PCGF3: variants seen among roughly 807,000 people sequenced by gnomAD.
PCGF3 encodes the protein polycomb group ring finger 3.
Under a neutral mutation model 33.1 loss-of-function variants are expected in PCGF3, and 7 were observed. The ratio of observed to expected loss-of-function variants is 0.21; its 90% CI spans 0.12 to 0.40. The LOEUF is 0.40. Among genes scored for constraint, PCGF3 ranks in the 10% least tolerant of loss-of-function variants. PCGF3 has a pLI of 1.00. For synonymous variants in PCGF3, 153 were observed against 121.3 expected, an observed-to-expected ratio of 1.26 and a Z score of -1.72; for missense variants, 211 against 313.3, an observed-to-expected ratio of 0.67 and a Z score of 2.46.
At chr4:737,488 A>G in exon 6 of PCGF3, 1 of 1,610,824 alleles carries the variant, frequency 6.2e-7, no homozygotes, top group East Asian at 2.2e-5. Flanking sequence ...CATGCAAGAT[A>G]TTGTTTACAA....
At chr4:765,572 G>A (rs1223006113) in intron 10 of PCGF3, among the ~76,000 whole-genome samples, 6 of 152,264 alleles carry the variant, frequency 3.9e-5, no homozygotes, top group African/African-American at 1.4e-4. Flanking sequence ...GTGGGAAAGT[G>A]CTGAGGCCAT....
chr4:747,696 G>T (rs1352345586), intron 8 of PCGF3, among the ~76,000 whole-genome samples: 1 of 151,800 alleles, frequency 6.6e-6, no homozygotes, highest in Non-Finnish European at 1.5e-5. Context: ...TCGCCGTGGA[G>T]GCGTGAGCAG....
intron 1 of PCGF3, among the ~76,000 whole-genome samples, chr4:729,274 G>A (rs1313849796): frequency 1.3e-5 from 2 of 151,936 alleles, no homozygotes; most frequent in Non-Finnish European, 2.9e-5. Context: ...AATTAGCCAG[G>A]TGTGGTGGTG....
chr4:761,035 T>C (rs536116215), intron 8 of PCGF3, among the ~76,000 whole-genome samples: 32 of 152,358 alleles, frequency 2.1e-4, no homozygotes, highest in African/African-American at 5.8e-4. Context: ...TCAACTATTA[T>C]GTTAATAACA....
At chr4:722,956 C>A (rs1249300673) in intron 1 of PCGF3, among the ~76,000 whole-genome samples, 1 of 142,672 alleles carries the variant, frequency 7.0e-6, no homozygotes, top group African/African-American at 2.6e-5. Flanking sequence ...CGACATCGCC[C>A]GCCCGCGCCG....
intron 1 of PCGF3, among the ~76,000 whole-genome samples, chr4:726,690 T>G (rs1162374894): frequency 6.6e-6 from 1 of 152,164 alleles, no homozygotes; most frequent in Non-Finnish European, 1.5e-5. Context: ...CTGGTTATTT[T>G]TGGGGTGGGA....
At chr4:748,957 C>A (rs77856597) in intron 8 of PCGF3, among the ~76,000 whole-genome samples, 3 of 152,192 alleles carry the variant, frequency 2.0e-5, no homozygotes, top group East Asian at 3.9e-4. Context: ...GGCTGCTGCT[C>A]CCCTTTACTC....
intron 1 of PCGF3, among the ~76,000 whole-genome samples, chr4:708,562 T>C (rs997256951): frequency 6.6e-6 from 1 of 152,120 alleles, no homozygotes; most frequent in Non-Finnish European, 1.5e-5. Context: ...GGCAGGGGCC[T>C]CAGGGTTCCA....
At chr4:718,068 G>A (rs1742930258) in intron 1 of PCGF3, among the ~76,000 whole-genome samples, 1 of 152,224 alleles carries the variant, frequency 6.6e-6, no homozygotes, top group Non-Finnish European at 1.5e-5. Context: ...CAGTGTGAGG[G>A]AGGCGCAGGT....
intron 6 of PCGF3, among the ~76,000 whole-genome samples, chr4:743,059 A>C (rs537167717): frequency 4.5e-4 from 69 of 152,206 alleles, no homozygotes; most frequent in Non-Finnish European, 8.5e-4. Flanking sequence ...CAGGCAGTCC[A>C]CTGGCTCAGC....
intron 1 of PCGF3, among the ~76,000 whole-genome samples, chr4:717,565 C>A (rs1184500850): frequency 2.0e-5 from 3 of 152,114 alleles, no homozygotes; most frequent in Admixed American, 2.0e-4. Flanking sequence ...TTTATATTAG[C>A]GACGGGGTTT....
rs201319648 is a variant in PCGF3 at position 764,971 on chromosome 4, C to T, written c.601-13C>T. 2.5e-6 allele frequency: 4 copies of T among 1,609,914 alleles called. No individual in the cohort carries two copies. The highest frequency in any genetic ancestry group is 3.3e-5 in the Admixed American group (2 of 59,994). On this transcript the variant is annotated splice_polypyrimidine_tract_variant and intron_variant, in intron 9 of 10. Coordinates refer to ENST00000362003, the Ensembl canonical transcript of PCGF3. ...CACCTCTCCGCTGCTAATCAAACCT[C>T]CTTATCCCCCAGCTGGACATTTTAT...
chr4:758,290 G>A (rs1221925698), intron 8 of PCGF3, among the ~76,000 whole-genome samples: 2 of 145,414 alleles, frequency 1.4e-5, no homozygotes, highest in East Asian at 4.1e-4. Context: ...CACTTCTTCC[G>A]CCAAACTCCA....
At chr4:763,866 C>T (rs1455180610) in intron 9 of PCGF3, among the ~76,000 whole-genome samples, 1 of 152,186 alleles carries the variant, frequency 6.6e-6, no homozygotes, top group African/African-American at 2.4e-5. Flanking sequence ...GGACTATTAT[C>T]CAGTACTGAA....
chr4:754,513 G>C (rs181870012), intron 8 of PCGF3, among the ~76,000 whole-genome samples: 6 of 152,344 alleles, frequency 3.9e-5, no homozygotes, highest in Middle Eastern at 3.4e-3. Flanking sequence ...GCGGAGGGTA[G>C]AAAGAGCCTC....
chr4:715,487 C>T (rs1405262681), intron 1 of PCGF3, among the ~76,000 whole-genome samples: 3 of 144,620 alleles, frequency 2.1e-5, no homozygotes, highest in Non-Finnish European at 4.6e-5. Flanking sequence ...TGTGCTGGGA[C>T]CCTATAGACA....
At chr4:739,895 C>T (rs1383891894) in intron 6 of PCGF3, among the ~76,000 whole-genome samples, 2 of 152,218 alleles carry the variant, frequency 1.3e-5, no homozygotes, top group East Asian at 3.8e-4. Flanking sequence ...GGCACGGTGG[C>T]CCCGAGCCGC....
At chr4:758,021 A>G (rs1744847975) in intron 8 of PCGF3, among the ~76,000 whole-genome samples, 1 of 152,018 alleles carries the variant, frequency 6.6e-6, no homozygotes, top group African/African-American at 2.4e-5. Flanking sequence ...CAAAAAAATT[A>G]GCCGGGCATG....
At chr4:743,003 C>T (rs1004517945) in intron 6 of PCGF3, among the ~76,000 whole-genome samples, 2 of 152,196 alleles carry the variant, frequency 1.3e-5, no homozygotes, top group African/African-American at 2.4e-5. Flanking sequence ...TGCGCAGGAG[C>T]GTGGGGGGAA....
Sources: allele counts gnomAD v4.1 joint callset (sites outside exome capture counted in the v4.1 genomes callset), GRCh38; gene constraint gnomAD v4.1.1; transcripts MANE v1.5; gene names NCBI Gene and HGNC (gene_info 2026-07-23, HGNC 2026-07-21).